The following CDH13 variants were observed in gnomAD, a reference collection of about 807,000 sequenced individuals.
CDH13 encodes cadherin-13.
CDH13 carries 24 observed loss-of-function variants against 63.8 expected under a neutral mutation model. The observed-to-expected ratio is 0.38, with a 90% CI of 0.27 to 0.53. The LOEUF (loss-of-function observed/expected upper bound fraction) is 0.53, where lower values mean the gene tolerates loss of function less well. CDH13 is among the 20% of genes least tolerant of loss of function. CDH13 has a pLI of 0.85. For missense variants in CDH13, 1,049 were observed against 903.1 expected (o/e 1.16, Z -2.07); for synonymous variants, 503 against 355.3 (o/e 1.42, Z -4.67).
intron 3 of CDH13, among the ~76,000 whole-genome samples, chr16:83,037,970 G>A (rs967952204): frequency 6.6e-6 from 1 of 152,130 alleles, no homozygotes; most frequent in Non-Finnish European, 1.5e-5. Flanking sequence ...AGGAACTGAG[G>A]GCTAAGTGTA....
intron 1 of CDH13, among the ~76,000 whole-genome samples, chr16:82,672,192 G>A (rs9938128): frequency 0.054 from 8,155 of 152,238 alleles, 260 homozygotes; most frequent in Middle Eastern, 0.14. Flanking sequence ...GTTTTAATCT[G>A]TAAAACAGGA....
chr16:83,040,226 A>G (rs952149088), intron 3 of CDH13, among the ~76,000 whole-genome samples: 15 of 152,186 alleles, frequency 9.9e-5, no homozygotes, highest in Middle Eastern at 6.8e-3. Flanking sequence ...TGAGGATTCA[A>G]TGAATCAACA....
chr16:83,656,598 A>G (rs545683389), intron 8 of CDH13, among the ~76,000 whole-genome samples: 5 of 152,322 alleles, frequency 3.3e-5, no homozygotes, highest in African/African-American at 7.2e-5. Context: ...GAAAAAGTCA[A>G]CCAGATCCAG....
At chr16:82,738,296 T>C (rs78329060) in intron 1 of CDH13, among the ~76,000 whole-genome samples, 8,985 of 152,328 alleles carry the variant, frequency 0.059, 293 homozygotes, top group Non-Finnish European at 0.066. Flanking sequence ...AAAACAGAAG[T>C]TGGCTTCTTA....
chr16:83,504,150 T>A (rs890381956), intron 7 of CDH13, among the ~76,000 whole-genome samples: 1 of 152,192 alleles, frequency 6.6e-6, no homozygotes, highest in African/African-American at 2.4e-5. Context: ...AGATGCCCGT[T>A]CCTCTGAATG....
chr16:82,759,105 C>G (rs926336013), intron 1 of CDH13, among the ~76,000 whole-genome samples: 1 of 152,206 alleles, frequency 6.6e-6, no homozygotes, highest in Non-Finnish European at 1.5e-5. Flanking sequence ...CCTGGGGTCT[C>G]TCTTAACTGT....
chr16:83,271,630 A>T (rs1452471036), intron 5 of CDH13, among the ~76,000 whole-genome samples: 2 of 151,846 alleles, frequency 1.3e-5, no homozygotes, highest in Non-Finnish European at 2.9e-5. Flanking sequence ...CTGGTTTCTC[A>T]ATTACAGTAA....
intron 7 of CDH13, among the ~76,000 whole-genome samples, chr16:83,580,644 G>A (rs936493129): frequency 4.6e-5 from 7 of 151,876 alleles, no homozygotes; most frequent in Non-Finnish European, 7.4e-5. Context: ...ACAGGCATGC[G>A]CTACCATGCC....
chr16:82,737,909 C>T (rs2033754172), intron 1 of CDH13, among the ~76,000 whole-genome samples: 1 of 152,208 alleles, frequency 6.6e-6, no homozygotes, highest in Non-Finnish European at 1.5e-5. Flanking sequence ...TCAAGGCTTC[C>T]AATATCATTC....
At chr16:83,191,537 A>G (rs1157855968) in intron 4 of CDH13, among the ~76,000 whole-genome samples, 1 of 110,286 alleles carries the variant, frequency 9.1e-6, no homozygotes, top group African/African-American at 4.7e-5. Flanking sequence ...ACACATATAT[A>G]TATATATATA....
At chr16:82,708,825 A>G (rs1037323931) in intron 1 of CDH13, among the ~76,000 whole-genome samples, 1 of 152,190 alleles carries the variant, frequency 6.6e-6, no homozygotes, top group Non-Finnish European at 1.5e-5. Flanking sequence ...CACAGTGTGA[A>G]TATCAGAGTA....
chr16:82,821,398 GC>G (rs1233465012), intron 1 of CDH13, among the ~76,000 whole-genome samples: 1 of 152,186 alleles, frequency 6.6e-6, no homozygotes, highest in Non-Finnish European at 1.5e-5. Context: ...AATTTCCCAG[GC>G]TTGAAGTTGG....
chr16:82,639,777 T>TA (rs1376952317), intron 1 of CDH13, among the ~76,000 whole-genome samples: 1 of 152,230 alleles, frequency 6.6e-6, no homozygotes, highest in African/African-American at 2.4e-5. Flanking sequence ...GCTTATTATG[T>TA]ACCCAGCTCC....
intron 1 of CDH13, among the ~76,000 whole-genome samples, chr16:82,674,749 G>C (rs1913700273): frequency 6.6e-6 from 1 of 152,074 alleles, no homozygotes; most frequent in Non-Finnish European, 1.5e-5. Context: ...GGGCACACTG[G>C]AAAGAAAGAA....
chr16:83,498,805 G>T (rs1366533208), intron 7 of CDH13, among the ~76,000 whole-genome samples: 1 of 152,188 alleles, frequency 6.6e-6, no homozygotes, highest in East Asian at 1.9e-4. Flanking sequence ...AGTTTTGGTG[G>T]AACTTTCATT....
intron 7 of CDH13, among the ~76,000 whole-genome samples, chr16:83,511,530 T>C (rs1321136095): frequency 6.6e-6 from 1 of 151,844 alleles, no homozygotes; most frequent in Non-Finnish European, 1.5e-5. Context: ...CACCTACACA[T>C]ACACTCATAC....
At chr16:82,877,029 A>G (rs1205275043) in intron 2 of CDH13, among the ~76,000 whole-genome samples, 1 of 152,248 alleles carries the variant, frequency 6.6e-6, no homozygotes, top group Non-Finnish European at 1.5e-5. Context: ...TGTTAAAACA[A>G]GACTACATTT....
At chr16:83,613,599 G>A (rs12600057) in intron 8 of CDH13, among the ~76,000 whole-genome samples, 2 of 151,976 alleles carry the variant, frequency 1.3e-5, no homozygotes, top group South Asian at 2.1e-4. Flanking sequence ...TTGGGAGACC[G>A]GTGGGCAGAT....
At chr16:82,939,794 T>G (rs1052168966) in intron 2 of CDH13, among the ~76,000 whole-genome samples, 2 of 152,236 alleles carry the variant, frequency 1.3e-5, no homozygotes, top group Admixed American at 6.5e-5. Flanking sequence ...GCTTATAATA[T>G]TGTTGATAAT....
Sources: allele counts gnomAD v4.1 joint callset (sites outside exome capture counted in the v4.1 genomes callset), GRCh38; gene constraint gnomAD v4.1.1; transcripts MANE v1.5; gene names NCBI Gene and HGNC (gene_info 2026-07-23, HGNC 2026-07-21).